FGG: variants seen among roughly 807,000 people sequenced by gnomAD.
FGG encodes fibrinogen, gamma polypeptide.
FGG carries 20 observed loss-of-function variants against 51.7 expected under a neutral mutation model. That is an observed-to-expected ratio of 0.39 (90% CI 0.27 to 0.56). FGG has a LOEUF of 0.56. Among genes scored for constraint, FGG ranks in the 20% least tolerant of loss-of-function variants. FGG has a pLI of 0.64. For synonymous variants in FGG, 184 were observed against 184.7 expected (o/e 1.00, Z 0.03); for missense variants, 460 against 534.2 (o/e 0.86, Z 1.37).
chr4:154,612,629 C>G lies in FGG; in HGVS notation c.-20G>C, dbSNP rs538300763. 1.2e-6 allele frequency: 2 copies of G among 1,611,884 alleles called. No homozygotes were observed. The highest frequency in any genetic ancestry group is 4.5e-5 in the East Asian group (2 of 44,844). ...ACTCATGATGTCTGAGTGCCCGGAG[C>G]TCCGAGCCTTGTAGTGTCAGCACTG... On this transcript the variant is annotated 5_prime_UTR_variant, in exon 1 of 9. Transcript: ENST00000336098.
rs936663354 is a variant in FGG at position 154,609,509 on chromosome 4, C to T, written c.666+121G>A. ...AAATAGGAGTAACAGAAGTACCTTCCTCTTAGGGCTATTGCAAGGATTAAA... is the reference window on the plus strand; with the variant it reads ...AAATAGGAGTAACAGAAGTACCTTCTTCTTAGGGCTATTGCAAGGATTAAA... On this transcript the variant is annotated intron_variant, in intron 6 of 8. Coordinates refer to ENST00000336098, the MANE Select transcript of FGG (RefSeq NM_021870.3). 5.0e-6 allele frequency: 6 copies of T among 1,206,398 alleles called. No individual in the cohort carries two copies. In the Admixed American group the frequency reaches 7.1e-5, roughly 14 times the overall value. The allele number at this position is 1,206,398 out of a possible 1,614,324, so 74.7% of individuals were successfully genotyped here. A position where few individuals can be genotyped will look rare whatever the true frequency, so the allele number is the denominator to read the frequency against.
In FGG at chr4:154,612,110, A is replaced by T. The variant is rs1180609835; in HGVS notation, c.215T>A (p.Ile72Asn). The T allele has an allele frequency of 1.2e-6, 2 of 1,612,698 alleles. No individual in the cohort carries two copies. The highest frequency in any genetic ancestry group is 3.3e-5 in the Admixed American group (2 of 59,952). Residue 72 changes from isoleucine (I) to asparagine (N), a missense_variant, in exon 3 of 9, where the codon ATC (isoleucine) becomes AAC (asparagine). This residue lies in a region of FGG where 353 missense variants were observed against 391.7 expected (regional missense o/e 0.90). Transcript: ENST00000336098. The part of the protein sequence containing the change: ...VDKDLQSLED[I>N]LHQVENKTSE... ...TGTTTTGTTTTCAACTTGATGTAAG[A>T]TGTCTTCCAAAGACTGTAGATCCTT... is the stretch of plus-strand genomic sequence containing the variant.
intron 7 of FGG, among the ~76,000 whole-genome samples, chr4:154,607,375 G>T (rs145778155): frequency 6.6e-6 from 1 of 152,284 alleles, no homozygotes; most frequent in African/African-American, 2.4e-5. Flanking sequence ...GACAGTGAGT[G>T]ACCCTTAATT....
chr4:154,608,732 A>C (rs1731148048), intron 6 of FGG, 82 bp from the exon 7 acceptor site: 1 of 1,305,822 alleles, frequency 7.7e-7, no homozygotes, highest in Non-Finnish European at 1.1e-6. Flanking sequence ...TTTTGTCAAA[A>C]ATACAGAGCA....
intron 8 of FGG, 77 bp downstream of exon 8, chr4:154,606,628 T>C (rs1234040357): frequency 7.7e-6 from 11 of 1,419,642 alleles, no homozygotes; most frequent in Non-Finnish European, 1.1e-5. Flanking sequence ...TCTTCATTTC[T>C]TCATATCTAT....
In FGG at chr4:154,610,197, T is replaced by G; in HGVS notation, c.402A>C (p.Arg134=). Residue 134 remains arginine (R), a splice_region_variant and synonymous_variant, in exon 5 of 9, where the codon CGA becomes CGC. Transcript: ENST00000336098. ...ASILTHDSSI[R]YLQEIYNSNN... Reference sequence around the variant, plus strand: ...TTGAATTATATATTTCCTGCAAATATCTACAAACAGAAACATAAGATAACA... The same window carrying G: ...TTGAATTATATATTTCCTGCAAATAGCTACAAACAGAAACATAAGATAACA... The G allele has an allele frequency of 6.4e-7, 1 of 1,562,266 alleles. No individual in the cohort carries two copies. Among genetic ancestry groups the G allele is most frequent in the Non-Finnish European group, 8.8e-7 (1 of 1,133,234 alleles).
At chr4:154,606,604 T>C in intron 8 of FGG, 101 bp downstream of exon 8, 6 of 1,305,012 alleles carry the variant, frequency 4.6e-6, no homozygotes, top group Non-Finnish European at 6.4e-6. Flanking sequence ...ATCCCTACTA[T>C]CTTTATAAAT....
At position 154,612,052 on chromosome 4, in the gene FGG, T is replaced by C. The variant is rs1310562266; in HGVS notation, c.273A>G (p.Gln91=). ...SEVKQLIKAI[Q]LTYNPDESSK... is the part of the protein sequence containing the mutation. Reference sequence around the variant, plus strand: ...ATGATTCATCAGGATTATAAGTGAGTTGGATTGCTTTTATCAGCTGTTTGA... The same window carrying C: ...ATGATTCATCAGGATTATAAGTGAGCTGGATTGCTTTTATCAGCTGTTTGA... The change falls in exon 3 of 9, where the codon CAA becomes CAG. Residue 91 remains glutamine, a synonymous_variant. Transcript: ENST00000336098. The C allele has an allele frequency of 1.2e-6, 2 of 1,613,132 alleles. No homozygotes were observed. Among genetic ancestry groups the C allele is most frequent in the African/African-American group, 1.3e-5 (1 of 75,018 alleles).
In FGG at chr4:154,604,725, G is replaced by A; in HGVS notation, c.*109C>T. The stretch of plus-strand genomic sequence containing the variant: ...TTTTAATTTCCATTGAAGGCTAAAT[G>A]TCCTTAATAGAAGACTTGAAATCAA... On this transcript the variant is annotated 3_prime_UTR_variant, in exon 9 of 9. Transcript: ENST00000336098. 1.3e-6 allele frequency: 2 copies of A among 1,553,062 alleles called. No individual in the cohort carries two copies. The highest frequency in any genetic ancestry group is 1.7e-6 in the Non-Finnish European group (2 of 1,152,832).
In FGG at chr4:154,604,442, G is replaced by T; in HGVS notation, c.*392C>A. The T allele has an allele frequency of 8.2e-7, 1 of 1,214,598 alleles. No homozygotes were observed. Among genetic ancestry groups the T allele is most frequent in the Non-Finnish European group, 1.1e-6 (1 of 894,312 alleles). The allele number at this position is 1,214,598 out of a possible 1,614,324, so 75.2% of individuals were successfully genotyped here. On this transcript the variant is annotated 3_prime_UTR_variant, in exon 9 of 9. Transcript: ENST00000336098. ...AAGAATTAAATAGGAATGATTTAGG[G>T]GTAATAAACAAGGAAAATACCTGGG...
chr4:154,610,612 TGATGCTTTA>T (rs1015390736), intron 4 of FGG, among the ~76,000 whole-genome samples: 8 of 152,158 alleles, frequency 5.3e-5, no homozygotes, highest in African/African-American at 1.9e-4. Context: ...GAACACCCCC[TGATGCTTTA>T]GAAGCAGGAA....
At position 154,605,085 on chromosome 4, in the gene FGG, G is replaced by A. The variant is rs1309616628; in HGVS notation, c.1130-19C>T. The A allele has an allele frequency of 6.2e-7, 1 of 1,613,708 alleles. No homozygotes were observed. The highest frequency in any genetic ancestry group is 8.5e-7 in the Non-Finnish European group (1 of 1,179,840). On this transcript the variant is annotated intron_variant, in intron 8 of 8. Coordinates refer to ENST00000336098, the MANE Select transcript of FGG (RefSeq NM_021870.3). Reference sequence around the variant, plus strand: ...GTGCCACCTAAAACAAGTCGTAGATGTACATATCATTATTCTGGAATCTTT... The same window carrying A: ...GTGCCACCTAAAACAAGTCGTAGATATACATATCATTATTCTGGAATCTTT...
intron 7 of FGG, 91 bp downstream of exon 7, chr4:154,608,375 G>A: frequency 2.4e-6 from 3 of 1,272,994 alleles, no homozygotes; most frequent in Non-Finnish European, 2.2e-6. Context: ...CATTTGTCAG[G>A]CTGCATTTGC....
intron 8 of FGG, among the ~76,000 whole-genome samples, chr4:154,606,142 A>G (rs373150923): frequency 2.6e-5 from 4 of 152,086 alleles, no homozygotes; most frequent in African/African-American, 9.6e-5. Flanking sequence ...GAGTGAAACC[A>G]GTGTTCCAAA....
rs1385390571 is a variant in FGG, at chr4:154,612,455, GA to G, written c.79-21del. On this transcript the variant is annotated intron_variant, in intron 1 of 8. Coordinates refer to ENST00000336098, the MANE Select transcript of FGG (RefSeq NM_021870.3). ...AACATACTAAAAGAGAAAAAATACA[GA>G]AATTTCACTAGTTTATTATCTGTTT... 1 of 1,613,698 alleles carries G rather than the reference GA, an allele frequency of 6.2e-7. No homozygotes were observed. The highest frequency in any genetic ancestry group is 1.3e-5 in the African/African-American group (1 of 74,884).
In FGG at chr4:154,604,252, G is replaced by T. The variant is rs1206681161; in HGVS notation, c.*582C>A. ...TGCTCTTAAAATGAAGTGAAGCTTTGCAAGTCCATTGTCCAATAGGAAAAA... is the reference window on the plus strand; with the variant it reads ...TGCTCTTAAAATGAAGTGAAGCTTTTCAAGTCCATTGTCCAATAGGAAAAA... On this transcript the variant is annotated 3_prime_UTR_variant, in exon 9 of 9. Transcript: ENST00000336098. The T allele has an allele frequency of 2.9e-6, 3 of 1,052,522 alleles. No homozygotes were observed. Among genetic ancestry groups the T allele is most frequent in the African/African-American group, 3.4e-5 (2 of 59,226 alleles). The allele number at this position is 1,052,522 out of a possible 1,614,324, so 65.2% of individuals were successfully genotyped here.
intron 4 of FGG, among the ~76,000 whole-genome samples, chr4:154,611,066 T>A (rs1404247711): frequency 1.3e-5 from 2 of 151,966 alleles, no homozygotes; most frequent in Non-Finnish European, 2.9e-5. Flanking sequence ...ATAACAATAA[T>A]AACAAGGGCC....
intron 7 of FGG, among the ~76,000 whole-genome samples, chr4:154,608,037 G>A (rs1462074715): frequency 6.6e-6 from 1 of 152,168 alleles, no homozygotes; most frequent in Non-Finnish European, 1.5e-5. Context: ...GTTGTTAAGA[G>A]GACAGGCTCT....
At chr4:154,607,659 C>T (rs1456169035) in intron 7 of FGG, among the ~76,000 whole-genome samples, 1 of 152,062 alleles carries the variant, frequency 6.6e-6, no homozygotes, top group Non-Finnish European at 1.5e-5. Flanking sequence ...CAGAAATTTC[C>T]AGAAAATATT....
Sources: gnomAD v4.1 joint callset for allele counts (sites outside exome capture counted in the v4.1 genomes callset) on GRCh38, gnomAD v4.1.1 for gene constraint, gnomAD v4.1.1 regional missense constraint, MANE v1.5 for transcripts, NCBI Gene and HGNC (gene_info 2026-07-23, HGNC 2026-07-21) for gene names.